The following ANXA7 variants were observed in gnomAD, a reference collection of about 807,000 sequenced individuals.
ANXA7 encodes the protein annexin A7.
A neutral mutation model predicts 64.9 loss-of-function variants in ANXA7; 55 were observed. The ratio of observed to expected loss-of-function variants is 0.85; its 90% CI spans 0.68 to 1.06. The LOEUF is 1.06. Among genes scored for constraint, ANXA7 ranks in the 50% least tolerant of loss-of-function variants. The pLI is 0.00. For missense variants in ANXA7, 548 were observed against 582.1 expected (o/e 0.94, Z 0.60); for synonymous variants, 200 against 192.4 (o/e 1.04, Z -0.33).
At position 73,388,382 on chromosome 10, in the gene ANXA7, A is replaced by G. The variant is rs776468940; in HGVS notation, c.468T>C (p.Thr156=). ...CATCGAAGTTGGCAGCTGGTCGGAT[A>G]GTTCCTTGAGTGACCTGAGTCACTG... ...PATVTQVTQG[T]IRPAANFDAI... The change falls in exon 6 of 13, where the codon ACT becomes ACC. Residue 156 remains threonine, a synonymous_variant. Coordinates refer to ENST00000372921, the MANE Select transcript of ANXA7 (RefSeq NM_001156.5). The G allele has an allele frequency of 3.5e-5, 56 of 1,614,024 alleles. 1 individual carries two copies. The East Asian group carries it at 9.8e-4, about 28-fold the overall frequency.
At chr10:73,378,089 T>A (rs2055213676) in intron 12 of ANXA7, among the ~76,000 whole-genome samples, 1 of 151,534 alleles carries the variant, frequency 6.6e-6, no homozygotes, top group South Asian at 2.1e-4. Flanking sequence ...CAATTAAAAG[T>A]TCAGGCCAGG....
Position 73,401,265 on chromosome 10 carries a change from C to CACACA in ANXA7, c.-1-413_-1-409dup, listed in dbSNP as rs1564531889. On this transcript the variant is annotated intron_variant, in intron 1 of 12. Coordinates refer to ENST00000372921, the MANE Select transcript of ANXA7 (RefSeq NM_001156.5). ...TACAGATATACACACACATACACAACACACACACACACACACACACAAGGT... is the reference window on the plus strand; with the variant it reads ...TACAGATATACACACACATACACAACACACAACACACACACACACACACACAAGGT... Among the ~76,000 whole-genome samples the CACACA allele has an allele frequency of 7.0e-4, 97 of 138,568 alleles. 2 individuals carry two copies. The highest frequency in any genetic ancestry group is 4.8e-3 in the East Asian group (20 of 4,166). 90.9% of individuals were successfully genotyped at this position (138,568 alleles called of 152,430 possible).
At chr10:73,387,846 CTTTTTTTTT>C (rs775570274) in intron 6 of ANXA7, 63 bp from the exon 7 acceptor site, 54 of 551,282 alleles carry the variant, frequency 9.8e-5, no homozygotes, top group Admixed American at 3.0e-4. Flanking sequence ...TTGAGGTCAT[CTTTTTTTTT>C]TTTTTTTTTT....
intron 1 of ANXA7, among the ~76,000 whole-genome samples, chr10:73,401,179 CA>C (rs1331376800): frequency 1.3e-5 from 2 of 152,028 alleles, no homozygotes; most frequent in Non-Finnish European, 2.9e-5. Context: ...GCTGGGATTA[CA>C]GGTGTGAGCC....
At chr10:73,380,234 T>C in intron 9 of ANXA7, 33 bp from the exon 10 acceptor site, 1 of 1,579,584 alleles carries the variant, frequency 6.3e-7, no homozygotes, top group Non-Finnish European at 8.6e-7. Flanking sequence ...TTGGAAGAAA[T>C]AAATAATAGT....
intron 12 of ANXA7, among the ~76,000 whole-genome samples, chr10:73,378,313 G>A (rs2055218743): frequency 6.7e-6 from 1 of 150,020 alleles, no homozygotes; most frequent in Admixed American, 6.7e-5. Flanking sequence ...AGGAAGTGGA[G>A]GTTGCAGTGA....
rs761029833 is a variant in ANXA7, at chr10:73,376,209, A to G, written c.1287T>C (p.Leu429=). The G allele has an allele frequency of 2.5e-6, 4 of 1,575,174 alleles. No homozygotes were observed. In the East Asian group the frequency reaches 6.8e-5, roughly 27 times the overall value. Residue 429 remains leucine (L), a synonymous_variant, in exon 13 of 13, where the codon CTT becomes CTC. Transcript: ENST00000372921. Reference sequence around the variant, plus strand: ...GAGCGAACATCTGTTTTATTTGTACAAGGTCAATCTGCATAAGAAATAATA... The same window carrying G: ...GAGCGAACATCTGTTTTATTTGTACGAGGTCAATCTGCATAAGAAATAATA... ...RIVVTRSEID[L]VQIKQMFAQM... is the part of the protein sequence containing the mutation.
intron 7 of ANXA7, among the ~76,000 whole-genome samples, chr10:73,385,810 A>T (rs1464077715): frequency 6.6e-6 from 1 of 152,166 alleles, no homozygotes; most frequent in African/African-American, 2.4e-5. Context: ...CAGACAGGGA[A>T]AGGCAAAATA....
intron 5 of ANXA7, among the ~76,000 whole-genome samples, chr10:73,392,057 G>C (rs372256465): frequency 2.6e-5 from 4 of 152,290 alleles, no homozygotes; most frequent in African/African-American, 7.2e-5. Context: ...TACCATCAGA[G>C]AATAGGATGA....
At chr10:73,391,687 G>A (rs190076647) in intron 5 of ANXA7, among the ~76,000 whole-genome samples, 2 of 152,230 alleles carry the variant, frequency 1.3e-5, no homozygotes, top group East Asian at 3.9e-4. Context: ...GGATCAATCA[G>A]GAGGGATAAA....
At chr10:73,381,977 C>T (rs540851037) in intron 9 of ANXA7, among the ~76,000 whole-genome samples, 3 of 152,128 alleles carry the variant, frequency 2.0e-5, no homozygotes, top group African/African-American at 7.2e-5. Flanking sequence ...CTCCCGGGTT[C>T]AAGCGATTCT....
intron 5 of ANXA7, among the ~76,000 whole-genome samples, chr10:73,395,421 T>G (rs2055553608): frequency 6.6e-6 from 1 of 152,346 alleles, no homozygotes; most frequent in African/African-American, 2.4e-5. Flanking sequence ...CTGCTTATTT[T>G]GTTCCTAGTA....
At chr10:73,377,773 G>GGTGTGT (rs368036663) in intron 12 of ANXA7, among the ~76,000 whole-genome samples, 7 of 124,822 alleles carry the variant, frequency 5.6e-5, no homozygotes, top group East Asian at 2.8e-4. Flanking sequence ...GGTGGGTGTG[G>GGTGTGT]GTGTGTGTGT....
intron 9 of ANXA7, among the ~76,000 whole-genome samples, chr10:73,380,465 T>A (rs181352010): frequency 6.6e-6 from 1 of 152,232 alleles, no homozygotes; most frequent in African/African-American, 2.4e-5. Context: ...AGACAGCATG[T>A]CTCACTATGT....
Position 73,383,602 on chromosome 10 carries a change from G to T in ANXA7, c.722C>A (p.Ala241Asp). Residue 241 changes from alanine (A) to aspartate (D), a missense_variant, in exon 8 of 13, where the codon GCC (alanine) becomes GAC (aspartate). Coordinates refer to ENST00000372921, the MANE Select transcript of ANXA7 (RefSeq NM_001156.5). Reference protein sequence around the residue: ...ALFMPPTYYDAWSLRKAMQGA... With the variant: ...ALFMPPTYYDDWSLRKAMQGA... ...CTGCATTGCTTTCCGTAAGCTCCAGGCATCGTAATACGTAGGAGGCATGAA... is the reference window on the plus strand; with the variant it reads ...CTGCATTGCTTTCCGTAAGCTCCAGTCATCGTAATACGTAGGAGGCATGAA... 6.2e-7 allele frequency: 1 copy of T among 1,612,850 alleles called. No individual in the cohort carries two copies.
intron 5 of ANXA7, among the ~76,000 whole-genome samples, chr10:73,389,372 A>G (rs2055430461): frequency 6.6e-6 from 1 of 152,244 alleles, no homozygotes; most frequent in African/African-American, 2.4e-5. Flanking sequence ...TTGATCCTGA[A>G]CCAGAAAAAG....
chr10:73,387,893 G>A lies in ANXA7; in HGVS notation c.539-110C>T, dbSNP rs555501119. 7.1e-6 allele frequency: 5 copies of A among 706,594 alleles called. No individual in the cohort carries two copies. The South Asian group carries it at 1.3e-4, about 18-fold the overall frequency. The allele number at this position is 706,594 out of a possible 1,614,324, so 43.8% of individuals were successfully genotyped here. On this transcript the variant is annotated intron_variant, in intron 6 of 12. Coordinates refer to ENST00000372921, the MANE Select transcript of ANXA7 (RefSeq NM_001156.5). Reference sequence around the variant, plus strand: ...TGAGACGGAGTTTGTCACCCAGACTGGGGGTGCAAGTGCAATGGTGTGATC... The same window carrying A: ...TGAGACGGAGTTTGTCACCCAGACTAGGGGTGCAAGTGCAATGGTGTGATC...
intron 9 of ANXA7, among the ~76,000 whole-genome samples, 190 bp from the exon 10 acceptor site, chr10:73,380,391 T>A (rs1455387803): frequency 6.6e-6 from 1 of 152,024 alleles, no homozygotes; most frequent in Non-Finnish European, 1.5e-5. Flanking sequence ...CACCTCAGCC[T>A]CCCAGATAGC....
intron 7 of ANXA7, among the ~76,000 whole-genome samples, chr10:73,387,053 G>A (rs12261772): frequency 0.1 from 15,910 of 152,130 alleles, 1,195 homozygotes; most frequent in East Asian, 0.3. Flanking sequence ...AATAAACAAG[G>A]GCTATGTAAT....
Sources: allele counts gnomAD v4.1 joint callset (sites outside exome capture counted in the v4.1 genomes callset), GRCh38; gene constraint gnomAD v4.1.1; transcripts MANE v1.5; gene names NCBI Gene and HGNC (gene_info 2026-07-23, HGNC 2026-07-21).